Variants in PCMT1 observed in about 807,000 individuals in gnomAD.
PCMT1 encodes protein-L-isoaspartate(D-aspartate) O-methyltransferase.
Under a neutral mutation model 29.2 loss-of-function variants are expected in PCMT1, and 9 were observed. The ratio of observed to expected loss-of-function variants is 0.31; its 90% CI spans 0.19 to 0.54. The LOEUF is 0.54. Among genes scored for constraint, PCMT1 ranks in the 20% least tolerant of loss-of-function variants. The pLI is 0.95. For synonymous variants in PCMT1, 98 were observed against 97.5 expected, an observed-to-expected ratio of 1.00 and a Z score of -0.03; for missense variants, 184 against 282.2, an observed-to-expected ratio of 0.65 and a Z score of 2.49.
chr6:149,758,520 C>CT (rs1288102754), intron 1 of PCMT1, among the ~76,000 whole-genome samples: 8 of 151,418 alleles, frequency 5.3e-5, no homozygotes, highest in Middle Eastern at 3.4e-3. Flanking sequence ...CAATTTTTTT[C>CT]TTTTTTTTAA....
At chr6:149,777,092 G>A (rs750187289) in intron 3 of PCMT1, among the ~76,000 whole-genome samples, 1 of 152,120 alleles carries the variant, frequency 6.6e-6, no homozygotes, top group Non-Finnish European at 1.5e-5. Flanking sequence ...TTACATGGGG[G>A]TATGTCCTGG....
chr6:149,765,657 A>AT, intron 1 of PCMT1: 1 of 369,954 alleles, frequency 2.7e-6, no homozygotes, highest in Admixed American at 3.4e-5. Context: ...TTATTTTTTT[A>AT]TTTTTTATTT....
At chr6:149,774,009 A>T (rs192655041) in intron 3 of PCMT1, among the ~76,000 whole-genome samples, 1 of 151,994 alleles carries the variant, frequency 6.6e-6, no homozygotes, top group East Asian at 1.9e-4. Context: ...TATTTTTGAG[A>T]CAACTTCTTA....
At chr6:149,781,553 G>C (rs1787816998) in intron 3 of PCMT1, among the ~76,000 whole-genome samples, 1 of 152,016 alleles carries the variant, frequency 6.6e-6, no homozygotes, top group Non-Finnish European at 1.5e-5. Flanking sequence ...ACAGGGTCTT[G>C]CTATGTCGCC....
At chr6:149,805,319 C>T (rs74730079) in intron 7 of PCMT1, among the ~76,000 whole-genome samples, 10,652 of 152,104 alleles carry the variant, frequency 0.07, 706 homozygotes, top group East Asian at 0.38. Flanking sequence ...TTAGGCTGGG[C>T]GCAGTGGCTC....
chr6:149,799,959 T>C (rs1788759726), intron 6 of PCMT1, among the ~76,000 whole-genome samples: 2 of 152,224 alleles, frequency 1.3e-5, no homozygotes, highest in South Asian at 4.1e-4. Context: ...TCAATCCTTA[T>C]CTAGCGTATG....
chr6:149,771,027 T>G (rs1787299669), intron 1 of PCMT1, 135 bp from the exon 2 acceptor site: 3 of 498,882 alleles, frequency 6.0e-6, no homozygotes, highest in Non-Finnish European at 1.0e-5. Flanking sequence ...CAGGTTGCCA[T>G]TACCTGGGCC....
intron 6 of PCMT1, 179 bp downstream of exon 6, chr6:149,796,679 T>C: frequency 2.1e-6 from 1 of 472,938 alleles, no homozygotes; most frequent in Non-Finnish European, 3.7e-6. Flanking sequence ...ATAAATGACA[T>C]GAAAATTACT....
intron 3 of PCMT1, among the ~76,000 whole-genome samples, chr6:149,774,793 G>A (rs1318852429): frequency 1.5e-3 from 216 of 144,132 alleles, no homozygotes; most frequent in African/African-American, 5.3e-3. Flanking sequence ...TGCAAGCTCC[G>A]CCTCCTGGGT....
chr6:149,789,907 G>A (rs572064906), intron 3 of PCMT1, 47 bp from the exon 4 acceptor site: 1 of 1,260,534 alleles, frequency 7.9e-7, no homozygotes, highest in Non-Finnish European at 1.1e-6. Flanking sequence ...TATATACCAT[G>A]ATGTGTGTAC....
chr6:149,750,500 G>A (rs1291475125), intron 1 of PCMT1, among the ~76,000 whole-genome samples: 1 of 152,162 alleles, frequency 6.6e-6, no homozygotes, highest in Non-Finnish European at 1.5e-5. Context: ...GCGAGGGGAG[G>A]AAGATGAGAG....
chr6:149,806,039 T>C (rs1478718763), intron 7 of PCMT1, among the ~76,000 whole-genome samples: 1 of 152,016 alleles, frequency 6.6e-6, no homozygotes, highest in East Asian at 1.9e-4. Flanking sequence ...AATTTTTCTG[T>C]TGTAGATGCT....
At chr6:149,770,726 G>A (rs190518934) in intron 1 of PCMT1, among the ~76,000 whole-genome samples, 66 of 147,148 alleles carry the variant, frequency 4.5e-4, no homozygotes, top group African/African-American at 1.5e-3. Flanking sequence ...AAAAAAAGCC[G>A]GGTCCAGTGG....
chr6:149,769,054 T>C (rs909769041), intron 1 of PCMT1, among the ~76,000 whole-genome samples: 3 of 152,208 alleles, frequency 2.0e-5, no homozygotes, highest in African/African-American at 7.2e-5. Flanking sequence ...CACATTTTCT[T>C]AGAGTATAGT....
At chr6:149,793,728 A>G (rs1019721636) in intron 5 of PCMT1, 59 bp downstream of exon 5, 9 of 1,411,392 alleles carry the variant, frequency 6.4e-6, no homozygotes, top group South Asian at 3.0e-5. Flanking sequence ...AGAAGATCCA[A>G]TGCAAGCTAA....
chr6:149,808,340 G>T (rs560355900), intron 7 of PCMT1, among the ~76,000 whole-genome samples: 1 of 151,974 alleles, frequency 6.6e-6, no homozygotes, highest in Non-Finnish European at 1.5e-5. Flanking sequence ...GTCAGATAAA[G>T]AAATGGTCAT....
chr6:149,786,898 A>G (rs1040251113), intron 3 of PCMT1, among the ~76,000 whole-genome samples: 31 of 146,472 alleles, frequency 2.1e-4, no homozygotes, highest in Middle Eastern at 3.4e-3. Flanking sequence ...AGAGGCTGCA[A>G]TCTCGGCACT....
chr6:149,756,512 C>CTATT lies in PCMT1; in HGVS notation c.55+6557_55+6558insATTT, dbSNP rs1407016123. On this transcript the variant is annotated intron_variant, in intron 1 of 7. Coordinates refer to ENST00000464889, the MANE Select transcript of PCMT1 (RefSeq NM_001360452.2). ...TACAGATGCACACCACCATGACTGG[C>CTATT]TTTTTTTTTTTTTTTTTTTTTTTTT... Among the ~76,000 whole-genome samples, 92 of 74,724 alleles carry CTATT rather than the reference C, an allele frequency of 1.2e-3. 28 individuals are homozygous for CTATT. Among genetic ancestry groups the CTATT allele is most frequent in the African/African-American group, 4.8e-3 (89 of 18,634 alleles). The allele number at this position is 74,724 out of a possible 152,430, so 49.0% of individuals were successfully genotyped here. A position where few individuals can be genotyped will look rare whatever the true frequency, so the allele number is the denominator to read the frequency against.
rs564065525 is a variant in PCMT1, at chr6:149,777,986, C to T, written c.192+4817C>T. ...CTGCCTCCCGGATTCAAGTGATTCT[C>T]CTGCCTCAGCCTCTCAGATAGCTGG... is the stretch of plus-strand genomic sequence containing the variant. On this transcript the variant is annotated intron_variant, in intron 3 of 7. Coordinates refer to ENST00000464889, the MANE Select transcript of PCMT1 (RefSeq NM_001360452.2). 2.0e-5 allele frequency among the ~76,000 whole-genome samples: 3 copies of T among 150,242 alleles called. No individual in the cohort carries two copies. The South Asian group carries it at 6.3e-4, about 32-fold the overall frequency.
Sources: gnomAD v4.1 joint callset for allele counts (sites outside exome capture counted in the v4.1 genomes callset) on GRCh38, gnomAD v4.1.1 for gene constraint, MANE v1.5 for transcripts, NCBI Gene and HGNC (gene_info 2026-07-23, HGNC 2026-07-21) for gene names.